LRIG3: variants seen among roughly 807,000 people sequenced by gnomAD.
The protein encoded by LRIG3 is leucine rich repeats and immunoglobulin like domains 3.
LRIG3 carries 76 observed loss-of-function variants against 114.5 expected under a neutral mutation model. The observed-to-expected ratio is 0.66, with a 90% CI of 0.55 to 0.80. The LOEUF is 0.80. Among genes scored for constraint, LRIG3 ranks in the 30% least tolerant of loss-of-function variants. The pLI is 0.00. For missense variants in LRIG3, 1,239 were observed against 1,382.8 expected (o/e 0.90, Z 1.65); for synonymous variants, 512 against 519.8 (o/e 0.98, Z 0.20).
At chr12:58,891,044 T>C (rs1466710517) in intron 3 of LRIG3, among the ~76,000 whole-genome samples, 1 of 152,170 alleles carries the variant, frequency 6.6e-6, no homozygotes, top group African/African-American at 2.4e-5. Context: ...TGTGGCTGTC[T>C]AAATGCTATG....
At chr12:58,904,300 G>C (rs1266906883) in intron 3 of LRIG3, among the ~76,000 whole-genome samples, 1 of 152,062 alleles carries the variant, frequency 6.6e-6, no homozygotes, top group Non-Finnish European at 1.5e-5. Context: ...CCAGGAGAGA[G>C]ACACATGTTG....
rs201756037 is a variant in LRIG3, at chr12:58,888,821, A to C, written c.801T>G (p.Ile267Met). 1.7e-5 allele frequency: 28 copies of C among 1,613,290 alleles called. 1 individual carries two copies. The highest frequency in any genetic ancestry group is 2.3e-5 in the Non-Finnish European group (27 of 1,179,710). The part of the protein sequence containing the change: ...GAFWGLSNME[I>M]LQLDHNNLTE... ...GAACTGTGATAACCCACACTTACAA[A>C]ATTTCCATGTTGCTCAGCCCCCAAA... is the stretch of plus-strand genomic sequence containing the variant. Residue 267 changes from isoleucine (I) to methionine (M), a missense_variant and splice_region_variant, in exon 6 of 19, where the codon ATT becomes ATG. By Grantham distance (10) the Ile-to-Met change is conservative (BLOSUM62 1). Coordinates refer to ENST00000320743, the MANE Select transcript of LRIG3 (RefSeq NM_153377.5).
At chr12:58,889,010 G>A (rs747544579) in intron 5 of LRIG3, 48 bp from the exon 6 acceptor site, 20 of 1,569,638 alleles carry the variant, frequency 1.3e-5, no homozygotes, top group Non-Finnish European at 1.7e-5. Flanking sequence ...TTAAATTCTG[G>A]AGGTAGTAAT....
chr12:58,916,268 T>A (rs1872479409), intron 1 of LRIG3, among the ~76,000 whole-genome samples: 1 of 152,128 alleles, frequency 6.6e-6, no homozygotes. Context: ...TCATTTCTGA[T>A]CCAGAAGCAG....
At chr12:58,914,860 T>C (rs1341354197) in intron 1 of LRIG3, among the ~76,000 whole-genome samples, 3 of 152,240 alleles carry the variant, frequency 2.0e-5, no homozygotes, top group Non-Finnish European at 4.4e-5. Context: ...TGTGTGAGTG[T>C]TGAGAGGGTA....
At chr12:58,884,434 G>A (rs559430448) in intron 10 of LRIG3, among the ~76,000 whole-genome samples, 54 of 152,310 alleles carry the variant, frequency 3.5e-4, no homozygotes, top group African/African-American at 1.3e-3. Flanking sequence ...ATGGCTAGAC[G>A]AAGAGGCTGG....
intron 3 of LRIG3, among the ~76,000 whole-genome samples, chr12:58,908,719 A>G (rs186608248): frequency 6.6e-6 from 1 of 152,356 alleles, no homozygotes; most frequent in East Asian, 1.9e-4. Flanking sequence ...ACTGGTTTAA[A>G]CTAAGTGTAT....
intron 12 of LRIG3, among the ~76,000 whole-genome samples, chr12:58,882,322 T>C (rs1327300443): frequency 3.3e-5 from 5 of 152,208 alleles, no homozygotes; most frequent in African/African-American, 1.2e-4. Context: ...TAACTAGCTA[T>C]GTAAAGTTCA....
At chr12:58,887,529 C>T (rs1871314959) in intron 8 of LRIG3, among the ~76,000 whole-genome samples, 1 of 152,080 alleles carries the variant, frequency 6.6e-6, no homozygotes, top group Non-Finnish European at 1.5e-5. Context: ...CCCTCTTAAG[C>T]AGTTACCAAT....
At chr12:58,881,420 CAA>C (rs376145825) in intron 12 of LRIG3, among the ~76,000 whole-genome samples, 97 of 65,058 alleles carry the variant, frequency 1.5e-3, no homozygotes, top group East Asian at 8.7e-3. Flanking sequence ...TAGGTAGAGG[CAA>C]AAAAAAAAAA....
chr12:58,914,597 C>G, intron 1 of LRIG3: 1 of 384,266 alleles, frequency 2.6e-6, no homozygotes, highest in Admixed American at 4.0e-5. Context: ...ACGTGGTGAA[C>G]AGATCTTTTG....
chr12:58,918,757 C>T (rs1872565691), intron 1 of LRIG3, among the ~76,000 whole-genome samples: 1 of 152,304 alleles, frequency 6.6e-6, no homozygotes, highest in East Asian at 1.9e-4. Context: ...TCTCCTCTTC[C>T]AATTGCAATA....
At chr12:58,893,172 CA>C (rs1871513869) in intron 3 of LRIG3, among the ~76,000 whole-genome samples, 1 of 152,160 alleles carries the variant, frequency 6.6e-6, no homozygotes, top group Non-Finnish European at 1.5e-5. Context: ...ACCTTCTTCA[CA>C]AGAGAATAAT....
chr12:58,893,647 A>G (rs1871529532), intron 3 of LRIG3, among the ~76,000 whole-genome samples: 1 of 152,246 alleles, frequency 6.6e-6, no homozygotes, highest in South Asian at 2.1e-4. Context: ...TCCAGGAGAC[A>G]CGCCACAAGG....
At chr12:58,910,925 C>A (rs1456083937) in intron 3 of LRIG3, among the ~76,000 whole-genome samples, 1 of 152,182 alleles carries the variant, frequency 6.6e-6, no homozygotes, top group African/African-American at 2.4e-5. Flanking sequence ...TCAGAAAAAT[C>A]AACTCCCTCA....
chr12:58,892,015 T>C (rs980298079), intron 3 of LRIG3, among the ~76,000 whole-genome samples: 1 of 151,660 alleles, frequency 6.6e-6, no homozygotes, highest in Non-Finnish European at 1.5e-5. Context: ...GTGACTGTTA[T>C]ACTGAACAAA....
intron 5 of LRIG3, 111 bp downstream of exon 5, chr12:58,889,885 A>T: frequency 7.6e-7 from 1 of 1,319,040 alleles, no homozygotes; most frequent in Non-Finnish European, 1.0e-6. Flanking sequence ...AAGGAAAGGC[A>T]GCTACATCCT....
intron 16 of LRIG3, 32 bp downstream of exon 16, chr12:58,876,413 A>G: frequency 3.7e-6 from 6 of 1,606,940 alleles, no homozygotes; most frequent in Non-Finnish European, 5.1e-6. Context: ...ACTTCAAAAC[A>G]ATTACAGCCC....
intron 1 of LRIG3, among the ~76,000 whole-genome samples, chr12:58,919,263 A>G (rs1018995474): frequency 6.6e-6 from 1 of 152,170 alleles, no homozygotes; most frequent in Non-Finnish European, 1.5e-5. Context: ...CTTCGCAGCT[A>G]AAAATCCAAA....
Sources: allele counts gnomAD v4.1 joint callset (sites outside exome capture counted in the v4.1 genomes callset), GRCh38; gene constraint gnomAD v4.1.1; transcripts MANE v1.5; gene names NCBI Gene and HGNC (gene_info 2026-07-23, HGNC 2026-07-21).